Variants in SPIDR observed in about 807,000 individuals in gnomAD.
SPIDR encodes scaffold protein involved in DNA repair, also known as DNA repair-scaffolding protein.
A neutral mutation model predicts 104.6 loss-of-function variants in SPIDR; 93 were observed. The ratio of observed to expected loss-of-function variants is 0.89; its 90% CI spans 0.75 to 1.06. SPIDR has a LOEUF of 1.06. SPIDR is among the 50% of genes least tolerant of loss of function. SPIDR has a pLI of 0.00. For synonymous variants in SPIDR, 431 were observed against 416.9 expected, an observed-to-expected ratio of 1.03 and a Z score of -0.41; for missense variants, 1,154 against 1,111.2, an observed-to-expected ratio of 1.04 and a Z score of -0.55.
At chr8:47,399,876 A>G (rs896730563) in intron 6 of SPIDR, among the ~76,000 whole-genome samples, 1 of 152,178 alleles carries the variant, frequency 6.6e-6, no homozygotes, top group Non-Finnish European at 1.5e-5. Context: ...GAGTAACGCT[A>G]CTAGAGGTGA....
chr8:47,555,823 A>T (rs1178853581), intron 8 of SPIDR, among the ~76,000 whole-genome samples: 1 of 152,202 alleles, frequency 6.6e-6, no homozygotes, highest in Non-Finnish European at 1.5e-5. Context: ...TCACAGTAGC[A>T]TGGAAATAAT....
intron 8 of SPIDR, among the ~76,000 whole-genome samples, chr8:47,508,372 G>A (rs944045189): frequency 1.3e-5 from 2 of 152,166 alleles, no homozygotes; most frequent in Non-Finnish European, 2.9e-5. Context: ...GCATTGACTT[G>A]ATATACTGAG....
intron 5 of SPIDR, among the ~76,000 whole-genome samples, chr8:47,321,731 T>C (rs1410544112): frequency 6.6e-6 from 1 of 152,184 alleles, no homozygotes; most frequent in Non-Finnish European, 1.5e-5. Flanking sequence ...TGCATGGTAC[T>C]GGTACCGAAA....
chr8:47,498,687 G>A (rs1452292222), intron 8 of SPIDR, among the ~76,000 whole-genome samples: 1 of 152,070 alleles, frequency 6.6e-6, no homozygotes, highest in Non-Finnish European at 1.5e-5. Context: ...ACATCTATCA[G>A]GTCAAGACTT....
chr8:47,378,622 T>C (rs2058961767), intron 5 of SPIDR, among the ~76,000 whole-genome samples: 1 of 152,252 alleles, frequency 6.6e-6, no homozygotes, highest in African/African-American at 2.4e-5. Context: ...TGTGTGACTG[T>C]GAACAACTGC....
At chr8:47,309,850 AAC>A (rs2043800253) in intron 5 of SPIDR, among the ~76,000 whole-genome samples, 1 of 149,994 alleles carries the variant, frequency 6.7e-6, no homozygotes, top group South Asian at 2.1e-4. Flanking sequence ...CATTCTGGCT[AAC>A]ACAGTGAAAC....
chr8:47,537,052 AAC>A (rs1362365463), intron 8 of SPIDR, among the ~76,000 whole-genome samples: 2 of 152,238 alleles, frequency 1.3e-5, no homozygotes, highest in Non-Finnish European at 2.9e-5. Flanking sequence ...TAACAGTCAA[AAC>A]ACACAACACC....
At chr8:47,297,983 TG>T (rs2041217204) in intron 5 of SPIDR, among the ~76,000 whole-genome samples, 1 of 152,218 alleles carries the variant, frequency 6.6e-6, no homozygotes, top group African/African-American at 2.4e-5. Flanking sequence ...AGTAATGGGA[TG>T]GCTGGGTCAA....
At chr8:47,272,253 C>G (rs1204348026) in intron 1 of SPIDR, among the ~76,000 whole-genome samples, 1 of 152,144 alleles carries the variant, frequency 6.6e-6, no homozygotes, top group Non-Finnish European at 1.5e-5. Context: ...AGGCATGAGC[C>G]ACGTCGCCTG....
intron 8 of SPIDR, among the ~76,000 whole-genome samples, chr8:47,481,499 G>A (rs1219175768): frequency 6.6e-6 from 1 of 152,158 alleles, no homozygotes; most frequent in African/African-American, 2.4e-5. Context: ...AAATTAGCAA[G>A]GCAGGGTGGC....
At chr8:47,627,078 G>A (rs1020280387) in intron 10 of SPIDR, among the ~76,000 whole-genome samples, 8 of 152,130 alleles carry the variant, frequency 5.3e-5, no homozygotes, top group African/African-American at 9.7e-5. Context: ...ATGAGTTCAC[G>A]TCCTTTGTAG....
chr8:47,572,851 C>G (rs1220891492), intron 8 of SPIDR, among the ~76,000 whole-genome samples: 1 of 152,108 alleles, frequency 6.6e-6, no homozygotes, highest in East Asian at 1.9e-4. Context: ...ATTGACACAG[C>G]ATCTCTCATG....
At chr8:47,695,260 C>A (rs1261476003) in intron 11 of SPIDR, among the ~76,000 whole-genome samples, 1 of 152,040 alleles carries the variant, frequency 6.6e-6, no homozygotes, top group Non-Finnish European at 1.5e-5. Context: ...TAAAGTATTC[C>A]ACTATCCAAA....
chr8:47,605,766 A>G (rs192975728), intron 10 of SPIDR, among the ~76,000 whole-genome samples: 6 of 152,302 alleles, frequency 3.9e-5, no homozygotes, highest in Non-Finnish European at 5.9e-5. Context: ...TTCCCATATG[A>G]CAAGCACTCA....
intron 10 of SPIDR, among the ~76,000 whole-genome samples, chr8:47,639,841 G>A (rs555956843): frequency 4.2e-4 from 64 of 152,192 alleles, no homozygotes; most frequent in Admixed American, 4.1e-3. Flanking sequence ...CCAGCTACAC[G>A]GGAGGCCGAG....
intron 5 of SPIDR, among the ~76,000 whole-genome samples, chr8:47,343,361 CAT>C (rs2051155641): frequency 6.6e-6 from 1 of 152,128 alleles, no homozygotes; most frequent in Non-Finnish European, 1.5e-5. Flanking sequence ...TAGAGGTTGA[CAT>C]GTGCTAGATA....
rs569080747 is a variant in SPIDR at position 47,663,557 on chromosome 8, C to CT, written c.1545-10242dup. 3.4e-3 allele frequency among the ~76,000 whole-genome samples: 519 copies of CT among 152,348 alleles called. 1 individual carries two copies. The highest frequency in any genetic ancestry group is 5.6e-3 in the Non-Finnish European group (381 of 68,030). On this transcript the variant is annotated intron_variant, in intron 10 of 19. Coordinates refer to ENST00000297423, the MANE Select transcript of SPIDR (RefSeq NM_001080394.4). ...TTTTGTTATTAAGGATCTTGTGACA[C>CT]TTACTTCATGGCTCTGCAGCCCTTC...
intron 5 of SPIDR, among the ~76,000 whole-genome samples, chr8:47,309,914 C>A (rs2043812870): frequency 6.6e-6 from 1 of 152,070 alleles, no homozygotes; most frequent in South Asian, 2.1e-4. Flanking sequence ...TGGCGGGCGC[C>A]TGTAGTCCCA....
At chr8:47,668,972 C>A (rs962246163) in intron 10 of SPIDR, among the ~76,000 whole-genome samples, 1 of 152,090 alleles carries the variant, frequency 6.6e-6, no homozygotes, top group Non-Finnish European at 1.5e-5. Flanking sequence ...GATTTATCTA[C>A]CAGTCACTCT....
Sources: gnomAD v4.1 joint callset for allele counts (sites outside exome capture counted in the v4.1 genomes callset) on GRCh38, gnomAD v4.1.1 for gene constraint, MANE v1.5 for transcripts, NCBI Gene and HGNC (gene_info 2026-07-23, HGNC 2026-07-21) for gene names.